The following NCAPD3 variants were observed in gnomAD, a reference collection of about 807,000 sequenced individuals.
The protein encoded by NCAPD3 is condensin-2 complex subunit D3.
A neutral mutation model predicts 182.9 loss-of-function variants in NCAPD3; 105 were observed. The observed-to-expected ratio is 0.57, with a 90% CI of 0.49 to 0.68. The LOEUF (loss-of-function observed/expected upper bound fraction) is 0.68, where lower values mean the gene tolerates loss of function less well. Among genes scored for constraint, NCAPD3 ranks in the 30% least tolerant of loss-of-function variants. The pLI, the probability that NCAPD3 is intolerant of heterozygous loss-of-function variation, is 0.00. For synonymous variants in NCAPD3, 815 were observed against 679.9 expected, an observed-to-expected ratio of 1.20 and a Z score of -3.09; for missense variants, 1,944 against 1,837.0, an observed-to-expected ratio of 1.06 and a Z score of -1.07.
At chr11:134,165,800 T>C (rs1306946850) in intron 27 of NCAPD3, among the ~76,000 whole-genome samples, 2 of 76,462 alleles carry the variant, frequency 2.6e-5, no homozygotes, top group Non-Finnish European at 4.9e-5. Context: ...TTAGGGGAGA[T>C]GCACACTCAC....
At chr11:134,217,209 C>A in intron 2 of NCAPD3, 111 bp from the exon 3 acceptor site, 1 of 955,200 alleles carries the variant, frequency 1.0e-6, no homozygotes, top group Non-Finnish European at 1.4e-6. Flanking sequence ...AATAGAGTAG[C>A]CTGGCTCCTA....
At chr11:134,188,110 G>C (rs1168467750) in intron 16 of NCAPD3, among the ~76,000 whole-genome samples, 1 of 152,152 alleles carries the variant, frequency 6.6e-6, no homozygotes, top group Non-Finnish European at 1.5e-5. Flanking sequence ...AGGATTGTAA[G>C]CACACCAATC....
chr11:134,203,505 G>A (rs1944791205), intron 11 of NCAPD3, 149 bp downstream of exon 11: 3 of 1,090,418 alleles, frequency 2.8e-6, no homozygotes, highest in Non-Finnish European at 3.9e-6. Flanking sequence ...AAAGTTATTT[G>A]GCAAGAAAAT....
intron 8 of NCAPD3, among the ~76,000 whole-genome samples, chr11:134,206,344 G>T (rs555691097): frequency 6.6e-6 from 1 of 152,286 alleles, no homozygotes; most frequent in East Asian, 1.9e-4. Context: ...CCCACATATT[G>T]AGCGCAAACA....
Position 134,176,335 on chromosome 11 carries a change from G to C in NCAPD3, c.3073C>G (p.Leu1025Val), listed in dbSNP as rs2135973276. ...GCAATGTCTGGGTGTGAATCGATCAGAGTGCTGACAAATCGGAAGAACAGG... is the reference window on the plus strand; with the variant it reads ...GCAATGTCTGGGTGTGAATCGATCACAGTGCTGACAAATCGGAAGAACAGG... ...GSLFFRFVST[L>V]IDSHPDIASF... Residue 1025 changes from leucine to valine, a missense_variant, in exon 24 of 35, where the codon CTG becomes GTG. Leu to Val is a conservative substitution (Grantham distance 32). Coordinates refer to ENST00000534548, the MANE Select transcript of NCAPD3 (RefSeq NM_015261.3). 6.2e-7 allele frequency: 1 copy of C among 1,614,132 alleles called. No individual in the cohort carries two copies. Among genetic ancestry groups the C allele is most frequent in the East Asian group, 2.2e-5 (1 of 44,878 alleles).
intron 1 of NCAPD3, among the ~76,000 whole-genome samples, chr11:134,222,303 T>C (rs1420674261): frequency 6.6e-6 from 1 of 152,200 alleles, no homozygotes; most frequent in African/African-American, 2.4e-5. Flanking sequence ...ACAAACACTT[T>C]GAGAAAATAC....
chr11:134,205,032 C>T (rs1944822296), intron 8 of NCAPD3, 61 bp from the exon 9 acceptor site: 1 of 1,248,544 alleles, frequency 8.0e-7, no homozygotes, highest in South Asian at 1.2e-5. Flanking sequence ...CCCCAAAAAC[C>T]ACTACTCCTA....
At chr11:134,212,036 A>G (rs76468977) in intron 3 of NCAPD3, among the ~76,000 whole-genome samples, 1,710 of 152,282 alleles carry the variant, frequency 0.011, 32 homozygotes, top group African/African-American at 0.038. Context: ...GGCAATCACA[A>G]CAAAGCATAG....
At position 134,204,821 on chromosome 11, in the gene NCAPD3, ACT is replaced by A. The variant is rs1944816633; in HGVS notation, c.1089+76_1089+77del. 3 of 1,166,676 alleles carry A rather than the reference ACT, an allele frequency of 2.6e-6. No individual in the cohort carries two copies. The highest frequency in any genetic ancestry group is 2.5e-6 in the Non-Finnish European group (2 of 803,800). The allele number at this position is 1,166,676 out of a possible 1,614,324, so 72.3% of individuals were successfully genotyped here. A position where few individuals can be genotyped will look rare whatever the true frequency, so the allele number is the denominator to read the frequency against. Reference sequence around the variant, plus strand: ...CTCATTCCCAAGAACAAATACCCACACTCACACACACACACACACATTTATCT... The same window carrying A: ...CTCATTCCCAAGAACAAATACCCACACACACACACACACACACATTTATCT... On this transcript the variant is annotated intron_variant, in intron 9 of 34. Coordinates refer to ENST00000534548, the MANE Select transcript of NCAPD3 (RefSeq NM_015261.3). This position sits in a 1 kb window ranked among gnomAD's most constrained non-coding sequence, Gnocchi z 4.3.
chr11:134,184,303 G>C (rs1024770764), intron 19 of NCAPD3, among the ~76,000 whole-genome samples: 2 of 152,252 alleles, frequency 1.3e-5, no homozygotes, highest in Non-Finnish European at 2.9e-5. Flanking sequence ...GTCTATAAGT[G>C]TTCTTGGAAT....
At position 134,168,518 on chromosome 11, in the gene NCAPD3, T is replaced by C; in HGVS notation, c.3324A>G (p.Thr1108=). 1 of 1,614,248 alleles carries C rather than the reference T, an allele frequency of 6.2e-7. No individual in the cohort carries two copies. Among genetic ancestry groups the C allele is most frequent in the Non-Finnish European group, 8.5e-7 (1 of 1,180,044 alleles). ...AAGTGATGTTGAATCGCTGTTCATC[T>C]GTGAAGTGCTCTAGAAGAAATTTGT... The part of the protein sequence containing the change: ...KIYKFLLEHF[T]DEQRFNITSK... Residue 1108 remains threonine, a synonymous_variant, in exon 26 of 35, where the codon ACA becomes ACG. Transcript: ENST00000534548.
chr11:134,196,743 A>AG (rs1944637963), intron 13 of NCAPD3, among the ~76,000 whole-genome samples: 1 of 152,124 alleles, frequency 6.6e-6, no homozygotes, highest in South Asian at 2.1e-4. Context: ...CCCCTTCCTA[A>AG]GGACCAGACA....
intron 8 of NCAPD3, among the ~76,000 whole-genome samples, chr11:134,205,398 TAGATGGAG>T (rs1944828844): frequency 6.6e-6 from 1 of 150,504 alleles, no homozygotes; most frequent in Non-Finnish European, 1.5e-5. Flanking sequence ...TTTTTTTTTG[TAGATGGAG>T]TTTTGCTCTT....
chr11:134,188,340 T>A (rs1222138839), intron 16 of NCAPD3, among the ~76,000 whole-genome samples: 2 of 152,204 alleles, frequency 1.3e-5, no homozygotes, highest in African/African-American at 2.4e-5. Flanking sequence ...CAATCAGCAC[T>A]CTGTAAAATG....
chr11:134,190,930 A>G (rs1358938790), intron 16 of NCAPD3, among the ~76,000 whole-genome samples: 1 of 152,174 alleles, frequency 6.6e-6, no homozygotes, highest in African/African-American at 2.4e-5. Context: ...AATGTTTTTG[A>G]GACATTTAGA....
chr11:134,213,038 A>G (rs760279139), intron 3 of NCAPD3, among the ~76,000 whole-genome samples: 1 of 152,194 alleles, frequency 6.6e-6, no homozygotes, highest in Non-Finnish European at 1.5e-5. Flanking sequence ...AAGAAGCATG[A>G]CCAAATGGGC....
At chr11:134,159,750 G>A (rs1203987497) in intron 29 of NCAPD3, 142 bp downstream of exon 29, 2 of 831,852 alleles carry the variant, frequency 2.4e-6, no homozygotes, top group African/African-American at 3.4e-5. Flanking sequence ...ACGAGGGAGT[G>A]GCCAACAAGC....
chr11:134,190,188 G>A (rs537770431), intron 16 of NCAPD3, among the ~76,000 whole-genome samples: 3 of 152,108 alleles, frequency 2.0e-5, no homozygotes, highest in East Asian at 1.9e-4. Flanking sequence ...AGTTACATAC[G>A]ACTATCCCTG....
Position 134,161,831 on chromosome 11 carries a change from G to C in NCAPD3, c.3634C>G (p.Leu1212Val). 6.3e-7 allele frequency: 1 copy of C among 1,595,356 alleles called. No individual in the cohort carries two copies. Among genetic ancestry groups the C allele is most frequent in the Non-Finnish European group, 8.6e-7 (1 of 1,166,296 alleles). Residue 1212 changes from leucine (L) to valine (V), a missense_variant, in exon 28 of 35, where the codon CTG becomes GTG. By Grantham distance (32) the Leu-to-Val change is conservative. Transcript: ENST00000534548. ...IPIIISLKTV[L>V]EKNKIPALRE... ...AAAGCTGGGATCTTATTTTTCTCCAGCACAGTCTTCAGGGAGATGATAATT... is the reference window on the plus strand; with the variant it reads ...AAAGCTGGGATCTTATTTTTCTCCACCACAGTCTTCAGGGAGATGATAATT...
Sources: gnomAD v4.1 joint callset for allele counts (sites outside exome capture counted in the v4.1 genomes callset) on GRCh38, gnomAD v4.1.1 for gene constraint, Gnocchi (gnomAD v3.1) non-coding constraint, MANE v1.5 for transcripts, NCBI Gene and HGNC (gene_info 2026-07-23, HGNC 2026-07-21) for gene names.